The following PCDHGB6 variants were observed in gnomAD, a reference collection of about 807,000 sequenced individuals.
PCDHGB6 encodes protocadherin gamma subfamily B, 6, also known as protocadherin gamma-B6.
Under a neutral mutation model 59.1 loss-of-function variants are expected in PCDHGB6, and 51 were observed. That is an observed-to-expected ratio of 0.86 (90% CI 0.69 to 1.09). PCDHGB6 has a LOEUF of 1.09. Among genes scored for constraint, PCDHGB6 ranks in the 50% least tolerant of loss-of-function variants. The pLI is 0.00. For synonymous variants in PCDHGB6, 466 were observed against 495.1 expected, an observed-to-expected ratio of 0.94 and a Z score of 0.78; for missense variants, 1,148 against 1,205.1, an observed-to-expected ratio of 0.95 and a Z score of 0.70.
At chr5:141,470,838 C>T (rs142581300) in intron 1 of PCDHGB6, among the ~76,000 whole-genome samples, 5 of 152,222 alleles carry the variant, frequency 3.3e-5, no homozygotes, top group African/African-American at 7.2e-5. Flanking sequence ...CAAACACACG[C>T]CACCATGCTC....
rs2095943632 is a variant in PCDHGB6 at position 141,415,767 on chromosome 5, TTTTTTACTTTC to T, written c.2418+5149_2418+5159del. ...TTTTTTTTTTTTTTTTTTTTTTTTT[TTTTTTACTTTC>T]TGGTAAAATTCACCTAGTCTCAATC... is the stretch of plus-strand genomic sequence containing the variant. On this transcript the variant is annotated intron_variant, in intron 1 of 3. Transcript: ENST00000520790. 3.1e-6 allele frequency: 4 copies of T among 1,300,754 alleles called. No individual in the cohort carries two copies. The Admixed American group carries it at 1.4e-4, about 46-fold the overall frequency. The allele number at this position is 1,300,754 out of a possible 1,614,324, so 80.6% of individuals were successfully genotyped here.
intron 1 of PCDHGB6, chr5:141,428,189 CTCTCTGCGCCGCTACGCTTCACCTAG>C: frequency 7.0e-7 from 1 of 1,429,262 alleles, no homozygotes; most frequent in Non-Finnish European, 9.7e-7. Flanking sequence ...ACAGCCGCCG[CTCTCTGCGCCGCTACGCTTCACCTAG>C]TCTTCGCAGA....
chr5:141,485,687 C>T lies in PCDHGB6; in HGVS notation c.2419-9120C>T. 1 of 1,614,066 alleles carries T rather than the reference C, an allele frequency of 6.2e-7. No individual in the cohort carries two copies. Among genetic ancestry groups the T allele is most frequent in the Non-Finnish European group, 8.5e-7 (1 of 1,179,966 alleles). ...GAGCAATTCGATTAGCAGCTATAGG[C>T]TGAGCTCCAATGAACACTTTGCACT... On this transcript the variant is annotated intron_variant, in intron 1 of 3. Transcript: ENST00000520790. The surrounding 1 kb of genome is among the most constrained non-coding windows in gnomAD (Gnocchi z 5.7).
intron 1 of PCDHGB6, chr5:141,433,178 A>G: frequency 6.2e-7 from 1 of 1,608,316 alleles, no homozygotes. Context: ...TCATGGGTTA[A>G]TTGAGGTGAG....
rs775963212 is a variant in PCDHGB6, at chr5:141,485,463, G to T, written c.2419-9344G>T. ...CCAATCGACCGAGAGGCACTGTGTG[G>T]GCTCAGTGCCAGCTGCATCGTGCCC... On this transcript the variant is annotated intron_variant, in intron 1 of 3. Coordinates refer to ENST00000520790, the MANE Select transcript of PCDHGB6 (RefSeq NM_018926.3). The surrounding 1 kb of genome is among the most constrained non-coding windows in gnomAD (Gnocchi z 5.7). The T allele has an allele frequency of 1.2e-6, 2 of 1,614,086 alleles. No individual in the cohort carries two copies. The highest frequency in any genetic ancestry group is 3.3e-5 in the Admixed American group (2 of 60,026).
At chr5:141,439,571 G>T (rs1010967112) in intron 1 of PCDHGB6, among the ~76,000 whole-genome samples, 4 of 152,154 alleles carry the variant, frequency 2.6e-5, no homozygotes, top group Non-Finnish European at 4.4e-5. Flanking sequence ...CTAGAGTAGG[G>T]ACTCAGAGTG....
Position 141,485,447 on chromosome 5 carries a change from C to G in PCDHGB6, c.2419-9360C>G, listed in dbSNP as rs1233800346. 6.2e-7 allele frequency: 1 copy of G among 1,614,144 alleles called. No individual in the cohort carries two copies. The highest frequency in any genetic ancestry group is 8.5e-7 in the Non-Finnish European group (1 of 1,180,036). On this transcript the variant is annotated intron_variant, in intron 1 of 3. Transcript: ENST00000520790. This position sits in a 1 kb window ranked among gnomAD's most constrained non-coding sequence, Gnocchi z 5.7. ...CCTGCTCATCAAGAACCCAATCGAC[C>G]GAGAGGCACTGTGTGGGCTCAGTGC... is the stretch of plus-strand genomic sequence containing the variant.
At chr5:141,474,115 G>A (rs1404490690) in intron 1 of PCDHGB6, among the ~76,000 whole-genome samples, 2 of 152,062 alleles carry the variant, frequency 1.3e-5, no homozygotes, top group South Asian at 2.1e-4. Context: ...CAACAACAAC[G>A]AAAATCTCAG....
chr5:141,428,324 T>C, intron 1 of PCDHGB6: 1 of 642,806 alleles, frequency 1.6e-6, no homozygotes, highest in Non-Finnish European at 2.8e-6. Flanking sequence ...TTGGCCTTGA[T>C]TTCTATGCTC....
At position 141,476,669 on chromosome 5, in the gene PCDHGB6, C is replaced by G; in HGVS notation, c.2419-18138C>G. ...AAATGAATACTTTGCGCTTCGCGTGCAGACGCGGGAGGACAGCACCAAGTA... is the reference window on the plus strand; with the variant it reads ...AAATGAATACTTTGCGCTTCGCGTGGAGACGCGGGAGGACAGCACCAAGTA... On this transcript the variant is annotated intron_variant, in intron 1 of 3. Coordinates refer to ENST00000520790, the MANE Select transcript of PCDHGB6 (RefSeq NM_018926.3). This position sits in a 1 kb window ranked among gnomAD's most constrained non-coding sequence, Gnocchi z 7.6. 6.2e-7 allele frequency: 1 copy of G among 1,614,246 alleles called. No individual in the cohort carries two copies. The highest frequency in any genetic ancestry group is 1.1e-5 in the South Asian group (1 of 91,086).
intron 1 of PCDHGB6, chr5:141,427,017 TAC>T (rs764268354): frequency 2.2e-5 from 10 of 456,792 alleles, no homozygotes; most frequent in South Asian, 1.4e-4. Context: ...CCAGGATGTA[TAC>T]AAAGTCAGCC....
rs994009107 is a variant in PCDHGB6 at position 141,490,364 on chromosome 5, G to A, written c.2419-4443G>A. ...ACAGTAGTGGGGTTGTTTAATGTGC[G>A]AGACCGGGACTCAGGTAGAAATGGT... On this transcript the variant is annotated intron_variant, in intron 1 of 3. Transcript: ENST00000520790. The surrounding 1 kb of genome is among the most constrained non-coding windows in gnomAD (Gnocchi z 5.4). 7 of 1,614,056 alleles carry A rather than the reference G, an allele frequency of 4.3e-6. No individual in the cohort carries two copies. In the African/African-American group the frequency reaches 5.3e-5, roughly 12 times the overall value.
chr5:141,497,858 C>T (rs920483410), intron 2 of PCDHGB6, among the ~76,000 whole-genome samples: 3 of 152,218 alleles, frequency 2.0e-5, no homozygotes, highest in Non-Finnish European at 2.9e-5. Flanking sequence ...TTTGATTCAG[C>T]GGCTCCAAAG....
rs775012950 is a variant in PCDHGB6, at chr5:141,428,225, A to T, written c.2418+17605A>T. On this transcript the variant is annotated intron_variant, in intron 1 of 3. Coordinates refer to ENST00000520790, the MANE Select transcript of PCDHGB6 (RefSeq NM_018926.3). ...GCTACGCTTCACCTAGTCTTCGCAG[A>T]CAGCCTGCAGGAGGCACTGCCAGAC... is the stretch of plus-strand genomic sequence containing the variant. 19 of 1,156,574 alleles carry T rather than the reference A, an allele frequency of 1.6e-5. No homozygotes were observed. In the Admixed American group the frequency reaches 3.1e-4, roughly 19 times the overall value. 71.6% of individuals were successfully genotyped at this position (1,156,574 alleles called of 1,614,324 possible).
Position 141,431,615 on chromosome 5 carries a change from G to A in PCDHGB6, c.2418+20995G>A. 1.2e-6 allele frequency: 2 copies of A among 1,614,236 alleles called. No homozygotes were observed. Among genetic ancestry groups the A allele is most frequent in the Non-Finnish European group, 1.7e-6 (2 of 1,180,042 alleles). ...GAGGTATTCCTTCCGGTATGTGGACGACAAGGCGGCCCAAGTTTTCAAACT... is the reference window on the plus strand; with the variant it reads ...GAGGTATTCCTTCCGGTATGTGGACAACAAGGCGGCCCAAGTTTTCAAACT... On this transcript the variant is annotated intron_variant, in intron 1 of 3. Coordinates refer to ENST00000520790, the MANE Select transcript of PCDHGB6 (RefSeq NM_018926.3). The surrounding 1 kb of genome is among the most constrained non-coding windows in gnomAD (Gnocchi z 4.8).
At position 141,476,387 on chromosome 5, in the gene PCDHGB6, C is replaced by T. The variant is rs147660262; in HGVS notation, c.2419-18420C>T. The T allele has an allele frequency of 6.2e-6, 10 of 1,613,958 alleles. No homozygotes were observed. Among genetic ancestry groups the T allele is most frequent in the Non-Finnish European group, 7.6e-6 (9 of 1,180,032 alleles). ...GACCGGAGAGATGTTTGTGAACGAC[C>T]GTCTGGATCGAGAGGAGCTGTGTGG... On this transcript the variant is annotated intron_variant, in intron 1 of 3. Coordinates refer to ENST00000520790, the MANE Select transcript of PCDHGB6 (RefSeq NM_018926.3). This position sits in a 1 kb window ranked among gnomAD's most constrained non-coding sequence, Gnocchi z 7.6.
rs1178101439 is a variant in PCDHGB6, at chr5:141,443,790, T to C, written c.2418+33170T>C. On this transcript the variant is annotated intron_variant, in intron 1 of 3. Coordinates refer to ENST00000520790, the MANE Select transcript of PCDHGB6 (RefSeq NM_018926.3). Reference sequence around the variant, plus strand: ...AATATTACCAAAAAGACAAAAAAAATGAAAAGGAAACAGTTACCTTTGGAA... The same window carrying C: ...AATATTACCAAAAAGACAAAAAAAACGAAAAGGAAACAGTTACCTTTGGAA... Among the ~76,000 whole-genome samples, 6 of 151,950 alleles carry C rather than the reference T, an allele frequency of 3.9e-5. No homozygotes were observed. The East Asian group carries it at 1.2e-3, about 29-fold the overall frequency.
At position 141,433,358 on chromosome 5, in the gene PCDHGB6, C is replaced by CTATCTAT. The variant is rs2097585632; in HGVS notation, c.2418+22738_2418+22739insTATCTAT. ...ACAGGTGCAAGCCACCTACTGTCTG[C>CTATCTAT]CTATCTATCTATCTATCTATCTATC... On this transcript the variant is annotated intron_variant, in intron 1 of 3. Coordinates refer to ENST00000520790, the MANE Select transcript of PCDHGB6 (RefSeq NM_018926.3). 11 of 503,932 alleles carry CTATCTAT rather than the reference C, an allele frequency of 2.2e-5. No individual in the cohort carries two copies. The African/African-American group carries it at 2.3e-4, about 10-fold the overall frequency. The allele number at this position is 503,932 out of a possible 1,614,324, so 31.2% of individuals were successfully genotyped here.
In PCDHGB6 at chr5:141,485,578, G is replaced by A; in HGVS notation, c.2419-9229G>A. ...ATGATCACGCCCCCCGTTTTCCGCG[G>A]CAGCAGCTGGACTTGGAAATTGGGG... is the stretch of plus-strand genomic sequence containing the variant. On this transcript the variant is annotated intron_variant, in intron 1 of 3. Transcript: ENST00000520790. This position sits in a 1 kb window ranked among gnomAD's most constrained non-coding sequence, Gnocchi z 5.7. 6.2e-7 allele frequency: 1 copy of A among 1,612,362 alleles called. No homozygotes were observed. Among genetic ancestry groups the A allele is most frequent in the Non-Finnish European group, 8.5e-7 (1 of 1,178,688 alleles).
Sources: allele counts gnomAD v4.1 joint callset (sites outside exome capture counted in the v4.1 genomes callset), GRCh38; gene constraint gnomAD v4.1.1; non-coding constraint Gnocchi (gnomAD v3.1); transcripts MANE v1.5; gene names NCBI Gene and HGNC (gene_info 2026-07-23, HGNC 2026-07-21).